The following TKTL1 variants were observed in gnomAD, a reference collection of about 807,000 sequenced individuals.
TKTL1 encodes transketolase like 1, also known as transketolase-like protein 1.
In TKTL1, 1 loss-of-function variant was observed where a neutral mutation model predicts 39.3. That is an observed-to-expected ratio of 0.03 (90% CI 0.01 to 0.12). TKTL1 has a LOEUF of 0.12. Among genes scored for constraint, TKTL1 ranks in the 10% least tolerant of loss-of-function variants. The pLI is 1.00. For missense variants in TKTL1, 575 were observed against 509.6 expected, an observed-to-expected ratio of 1.13 and a Z score of -1.24; for synonymous variants, 262 against 193.8, an observed-to-expected ratio of 1.35 and a Z score of -2.92.
At position 154,310,959 on chromosome X, in the gene TKTL1, G is replaced by A; in HGVS notation, c.474G>A (p.Leu158=). ...TGGCAATCTTTGATGTGAACCGCCT[G>A]GGACACAGTGGTGCATTGCCCGCCG... ...NLVAIFDVNR[L]GHSGALPAEH... is the part of the protein sequence containing the mutation. Residue 158 remains leucine (L), a synonymous_variant, in exon 4 of 13, where the codon CTG becomes CTA. Coordinates refer to ENST00000369915, the MANE Select transcript of TKTL1 (RefSeq NM_012253.4). 8.3e-7 allele frequency: 1 copy of A among 1,212,087 alleles called. No individual in the cohort carries two copies. Among genetic ancestry groups the A allele is most frequent in the African/African-American group, 1.7e-5 (1 of 57,854 alleles).
Position 154,330,054 on chromosome X carries a change from A to C in TKTL1, c.*366A>C, listed in dbSNP as rs1557172919. ...AACTGGTAGAGGTAATAGTTTTTTC[A>C]ATGTATTTCCTTCATGAGTAAAGAA... On this transcript the variant is annotated 3_prime_UTR_variant, in exon 13 of 13. Transcript: ENST00000369915. The C allele has an allele frequency of 7.2e-6, 1 of 139,306 alleles. No individual in the cohort carries two copies. The highest frequency in any genetic ancestry group is 1.4e-5 in the Non-Finnish European group (1 of 71,161). 11.5% of individuals were successfully genotyped at this position (139,306 alleles called of 1,213,427 possible).
Position 154,311,035 on chromosome X carries a change from T to TA in TKTL1, c.542+9dup. ...GCGCTGCGAAGCCTTTGGGTAACTG[T>TA]ATTCTCTTGTGCTTGATTTCCATTC... On this transcript the variant is annotated intron_variant, in intron 4 of 12. Transcript: ENST00000369915. The TA allele has an allele frequency of 5.0e-6, 6 of 1,211,585 alleles. No individual in the cohort carries two copies. The highest frequency in any genetic ancestry group is 6.7e-6 in the Non-Finnish European group (6 of 895,189).
At chrX:154,303,808 G>A (rs1217513648) in intron 1 of TKTL1, among the ~76,000 whole-genome samples, 1 of 109,182 alleles carries the variant, frequency 9.2e-6, no homozygotes, top group Non-Finnish European at 1.9e-5. Context: ...TGTCACTACC[G>A]AGTCCTAGCT....
At chrX:154,304,436 CT>C (rs782651455) in intron 1 of TKTL1, among the ~76,000 whole-genome samples, 18 of 108,635 alleles carry the variant, frequency 1.7e-4, no homozygotes, top group African/African-American at 4.0e-4. Flanking sequence ...TCCTTTGAAG[CT>C]TTTTTTTTAT....
At chrX:154,303,651 A>G (rs1390370053) in intron 1 of TKTL1, among the ~76,000 whole-genome samples, 1 of 103,826 alleles carries the variant, frequency 9.6e-6, no homozygotes, top group Non-Finnish European at 2.0e-5. Context: ...CCCCCTCATC[A>G]TGCCAGGGGG....
At chrX:154,300,804 C>T (rs782471618) in intron 1 of TKTL1, among the ~76,000 whole-genome samples, 1 of 110,888 alleles carries the variant, frequency 9.0e-6, no homozygotes, top group African/African-American at 3.3e-5. Context: ...TCAAGCGATT[C>T]TCCTGCCTTA....
chrX:154,305,220 T>G, intron 1 of TKTL1, 84 bp from the exon 2 acceptor site: 2 of 1,182,080 alleles, frequency 1.7e-6, no homozygotes, highest in Admixed American at 4.5e-5. Flanking sequence ...AAATGACCGC[T>G]TCTATGAGGA....
chrX:154,299,287 C>T (rs1488785679), intron 1 of TKTL1, among the ~76,000 whole-genome samples: 3 of 106,087 alleles, frequency 2.8e-5, no homozygotes, highest in Non-Finnish European at 5.8e-5. Flanking sequence ...TCCCAAGTAG[C>T]TGGGATTACA....
At chrX:154,321,352 G>A (rs911658534) in intron 8 of TKTL1, among the ~76,000 whole-genome samples, 9 of 109,521 alleles carry the variant, frequency 8.2e-5, no homozygotes, top group Non-Finnish European at 1.5e-4. Flanking sequence ...CTGGGGCAGC[G>A]AGAACCCTGG....
At position 154,327,762 on chromosome X, in the gene TKTL1, G is replaced by GTGCTCTTTTTAT. The variant is rs1371917465; in HGVS notation, c.1499-75_1499-64dup. The GTGCTCTTTTTAT allele has an allele frequency of 1.2e-5, 14 of 1,200,562 alleles. No homozygotes were observed. The African/African-American group carries it at 2.3e-4, about 20-fold the overall frequency. ...ACTTCAGCTACCTCCTGTGCCCTGA[G>GTGCTCTTTTTAT]TGCTCTTTTTATTTTTATCCCTGCA... On this transcript the variant is annotated intron_variant, in intron 11 of 12. Coordinates refer to ENST00000369915, the MANE Select transcript of TKTL1 (RefSeq NM_012253.4).
intron 1 of TKTL1, among the ~76,000 whole-genome samples, chrX:154,299,988 A>T (rs2067260484): frequency 9.2e-6 from 1 of 108,216 alleles, no homozygotes; most frequent in Non-Finnish European, 1.9e-5. Context: ...TGGTAGATAG[A>T]TGGTAATCTA....
chrX:154,311,095 G>A lies in TKTL1; in HGVS notation c.543-16G>A, dbSNP rs1373983588. 1 of 1,209,900 alleles carries A rather than the reference G, an allele frequency of 8.3e-7. No homozygotes were observed. Among genetic ancestry groups the A allele is most frequent in the Non-Finnish European group, 1.1e-6 (1 of 894,851 alleles). ...CCCTTCATCTCTTGTAACCCAGCCT[G>A]CTCCTCTGTTGGCAGGTGGAACACT... On this transcript the variant is annotated splice_polypyrimidine_tract_variant and intron_variant, in intron 4 of 12. Coordinates refer to ENST00000369915, the MANE Select transcript of TKTL1 (RefSeq NM_012253.4).
rs782224361 is a variant in TKTL1 at position 154,320,785 on chromosome X, G to A, written c.1058G>A (p.Arg353His). The A allele has an allele frequency of 1.2e-5, 15 of 1,209,645 alleles. No individual in the cohort carries two copies. Among genetic ancestry groups the A allele is most frequent in the South Asian group, 1.1e-4 (6 of 56,807 alleles). The part of the protein sequence containing the change: ...MVSVALGCAS[R>H]GRTIAFASTF... ...AGCGTGGCTCTGGGCTGTGCCTCCC[G>A]TGGACGGACCATTGCTTTTGCTAGC... Residue 353 changes from arginine to histidine, a missense_variant, in exon 8 of 13, where the codon CGT becomes CAT. Arg to His is a conservative substitution (Grantham distance 29). Transcript: ENST00000369915.
At chrX:154,323,487 AT>A in intron 9 of TKTL1, 150 bp downstream of exon 9, 1 of 662,951 alleles carries the variant, frequency 1.5e-6, no homozygotes, top group Non-Finnish European at 2.2e-6. Context: ...AAAACAGGAG[AT>A]TATGCACACA....
intron 1 of TKTL1, among the ~76,000 whole-genome samples, chrX:154,304,114 G>A (rs1557166634): frequency 2.7e-5 from 3 of 110,503 alleles, no homozygotes. Flanking sequence ...AGAGGAAGAA[G>A]AGATTTCCAA....
rs192863531 is a variant in TKTL1 at position 154,303,674 on chromosome X, C to T, written c.135-1630C>T. Reference sequence around the variant, plus strand: ...TCATGCCAGGGGGACTCCTGGGCTGCGTGCCACCCCCCTGGAAGTCCCCCA... The same window carrying T: ...TCATGCCAGGGGGACTCCTGGGCTGTGTGCCACCCCCCTGGAAGTCCCCCA... On this transcript the variant is annotated intron_variant, in intron 1 of 12. Coordinates refer to ENST00000369915, the MANE Select transcript of TKTL1 (RefSeq NM_012253.4). Among the ~76,000 whole-genome samples, 671 of 107,518 alleles carry T rather than the reference C, an allele frequency of 6.2e-3. 3 individuals are homozygous for T. Among genetic ancestry groups the T allele is most frequent in the Non-Finnish European group, 8.9e-3 (465 of 52,010 alleles). The allele number at this position is 107,518 out of a possible 115,157, so 93.4% of individuals were successfully genotyped here.
chrX:154,306,064 T>A (rs782522410), intron 2 of TKTL1, among the ~76,000 whole-genome samples: 3 of 110,658 alleles, frequency 2.7e-5, no homozygotes, highest in African/African-American at 9.9e-5. Flanking sequence ...CCCAGCACTT[T>A]GGGAGACTGA....
chrX:154,297,114 C>T (rs1228715259), intron 1 of TKTL1, among the ~76,000 whole-genome samples: 1 of 111,869 alleles, frequency 8.9e-6, no homozygotes. Context: ...AACAGTGAGA[C>T]CCTGTCTCTA....
intron 9 of TKTL1, among the ~76,000 whole-genome samples, chrX:154,324,356 C>G (rs1557171511): frequency 8.9e-6 from 1 of 111,888 alleles, no homozygotes; most frequent in African/African-American, 3.3e-5. Context: ...CCAGGCTAGT[C>G]GCAAAACTCC....
Sources: allele counts gnomAD v4.1 joint callset (sites outside exome capture counted in the v4.1 genomes callset), GRCh38; gene constraint gnomAD v4.1.1; transcripts MANE v1.5; gene names NCBI Gene and HGNC (gene_info 2026-07-23, HGNC 2026-07-21).